The following CAMSAP2 variants were observed in gnomAD, a reference collection of about 807,000 sequenced individuals.
The protein encoded by CAMSAP2 is calmodulin-regulated spectrin-associated protein 2.
CAMSAP2 carries 26 observed loss-of-function variants against 146.1 expected under a neutral mutation model. The observed-to-expected ratio is 0.18, with a 90% CI of 0.13 to 0.25. The LOEUF (loss-of-function observed/expected upper bound fraction) is 0.25, where lower values mean the gene tolerates loss of function less well. CAMSAP2 is among the 10% of genes least tolerant of loss of function. The pLI is 1.00. For synonymous variants in CAMSAP2, 499 were observed against 596.6 expected, an observed-to-expected ratio of 0.84 and a Z score of 2.38; for missense variants, 1,381 against 1,759.3, an observed-to-expected ratio of 0.78 and a Z score of 3.85.
Position 200,857,818 on chromosome 1 carries a change from G to C in CAMSAP2, c.4196G>C (p.Arg1399Thr), listed in dbSNP as rs1667784542. Residue 1399 changes from arginine (R) to threonine (T), a missense_variant, in exon 17 of 17, where the codon AGA (arginine) becomes ACA (threonine). Physicochemically the swap from Arg to Thr is moderately conservative, Grantham distance 71 (BLOSUM62 -1). Transcript: ENST00000358823. This position sits in a 1 kb window ranked among gnomAD's most constrained non-coding sequence, Gnocchi z 4.7. ...TTCCGGGATTCAGGATGCCAGTTCA[G>C]ATCTTTATACACTTATTGCCCAGAA... ...ILFRDSGCQF[R>T]SLYTYCPETE... is the part of the protein sequence containing the mutation. The C allele has an allele frequency of 6.2e-7, 1 of 1,613,248 alleles. No homozygotes were observed. Among genetic ancestry groups the C allele is most frequent in the Non-Finnish European group, 8.5e-7 (1 of 1,179,712 alleles).
intron 3 of CAMSAP2, among the ~76,000 whole-genome samples, chr1:200,809,559 C>T (rs1666270890): frequency 6.6e-6 from 1 of 152,078 alleles, no homozygotes; most frequent in Non-Finnish European, 1.5e-5. Flanking sequence ...GGCGAAACTC[C>T]GTCTCTACTA....
intron 4 of CAMSAP2, among the ~76,000 whole-genome samples, chr1:200,823,885 T>A (rs1239355462): frequency 6.6e-6 from 1 of 152,240 alleles, no homozygotes; most frequent in East Asian, 1.9e-4. Context: ...ATTTTTTATA[T>A]TCAATCATTT....
intron 2 of CAMSAP2, among the ~76,000 whole-genome samples, chr1:200,805,635 A>C (rs757250114): frequency 2.9e-4 from 44 of 152,226 alleles, no homozygotes; most frequent in Admixed American, 2.7e-3. Flanking sequence ...GTACTCATTG[A>C]TAGGTTGAGT....
chr1:200,790,531 C>T (rs1665720855), intron 2 of CAMSAP2, among the ~76,000 whole-genome samples: 1 of 152,168 alleles, frequency 6.6e-6, no homozygotes, highest in Non-Finnish European at 1.5e-5. Context: ...TTTCCTTCTC[C>T]AGCACTGGTT....
Position 200,857,577 on chromosome 1 carries a change from T to A in CAMSAP2, c.4131+153T>A. On this transcript the variant is annotated intron_variant, in intron 16 of 16. Coordinates refer to ENST00000358823, the MANE Select transcript of CAMSAP2 (RefSeq NM_203459.4). This position sits in a 1 kb window ranked among gnomAD's most constrained non-coding sequence, Gnocchi z 4.7. ...TTATCAGATTTAGTTTATTTTCACA[T>A]TAGGTTCTGGAAGCCTGCAGATTTT... is the stretch of plus-strand genomic sequence containing the variant. 2.5e-6 allele frequency: 2 copies of A among 785,176 alleles called. No individual in the cohort carries two copies. Among genetic ancestry groups the A allele is most frequent in the Non-Finnish European group, 4.0e-6 (2 of 498,314 alleles). 48.6% of individuals were successfully genotyped at this position (785,176 alleles called of 1,614,324 possible).
chr1:200,804,419 T>C (rs12748010), intron 2 of CAMSAP2, among the ~76,000 whole-genome samples: 15,385 of 152,224 alleles, frequency 0.1, 867 homozygotes, highest in East Asian at 0.17. Flanking sequence ...TTCTTTCTGT[T>C]GTATAATATT....
intron 2 of CAMSAP2, among the ~76,000 whole-genome samples, chr1:200,802,817 C>T (rs941604543): frequency 6.6e-6 from 1 of 152,124 alleles, no homozygotes; most frequent in Non-Finnish European, 1.5e-5. Flanking sequence ...GTTTAACCTT[C>T]ATTTCTAATA....
intron 2 of CAMSAP2, among the ~76,000 whole-genome samples, chr1:200,767,361 CAAA>C (rs755665820): frequency 5.5e-5 from 4 of 72,938 alleles, no homozygotes; most frequent in Non-Finnish European, 8.3e-5. Flanking sequence ...GACTCCATCT[CAAA>C]AAAAAAAAAA....
At chr1:200,830,976 C>T (rs1378060812) in intron 4 of CAMSAP2, among the ~76,000 whole-genome samples, 1 of 152,168 alleles carries the variant, frequency 6.6e-6, no homozygotes, top group Non-Finnish European at 1.5e-5. Context: ...AGAAATCTAA[C>T]TTCACTACCA....
rs143740755 is a variant in CAMSAP2, at chr1:200,855,659, C to T, written c.3897-351C>T. On this transcript the variant is annotated intron_variant, in intron 14 of 16. Transcript: ENST00000358823. The stretch of plus-strand genomic sequence containing the variant: ...TTGCCCAGGCTAGAGTGCAGTGACA[C>T]GATCTCGGCTCACTGCAACCCCTGC... Among the ~76,000 whole-genome samples, 110 of 151,934 alleles carry T rather than the reference C, an allele frequency of 7.2e-4. 1 individual carries two copies. The East Asian group carries it at 0.017, about 24-fold the overall frequency.
At chr1:200,850,297 T>A (rs1667583397) in intron 11 of CAMSAP2, 63 bp downstream of exon 11, 1 of 926,586 alleles carries the variant, frequency 1.1e-6, no homozygotes, top group Non-Finnish European at 1.5e-6. Flanking sequence ...GTGTTGGATA[T>A]TTTTTTTTTC....
At chr1:200,856,183 G>A in intron 15 of CAMSAP2, 58 bp downstream of exon 15, 2 of 1,274,242 alleles carry the variant, frequency 1.6e-6, no homozygotes, top group African/African-American at 1.5e-5. Context: ...ATAAATGGAG[G>A]GTGTACTAAA....
intron 2 of CAMSAP2, among the ~76,000 whole-genome samples, chr1:200,782,353 A>C (rs1665457582): frequency 6.6e-6 from 1 of 152,166 alleles, no homozygotes; most frequent in South Asian, 2.1e-4. Flanking sequence ...CATTTAAAGT[A>C]ATTTGAACAG....
At chr1:200,841,945 A>T (rs772151203) in intron 6 of CAMSAP2, 49 bp from the exon 7 acceptor site, 60 of 1,262,826 alleles carry the variant, frequency 4.8e-5, no homozygotes, top group Non-Finnish European at 6.4e-5. Flanking sequence ...AATTCTGTTT[A>T]TCATGAAGTT....
chr1:200,841,869 C>T, intron 6 of CAMSAP2, 125 bp from the exon 7 acceptor site: 1 of 667,304 alleles, frequency 1.5e-6, no homozygotes, highest in South Asian at 1.9e-5. Context: ...TGTTTAATAG[C>T]CTACTATAGT....
At chr1:200,827,169 C>T (rs969074852) in intron 4 of CAMSAP2, among the ~76,000 whole-genome samples, 14 of 152,194 alleles carry the variant, frequency 9.2e-5, no homozygotes, top group Middle Eastern at 3.2e-3. Context: ...AAGAAGATTG[C>T]TGTTACCAGT....
At chr1:200,835,790 T>G (rs1558201193) in intron 6 of CAMSAP2, among the ~76,000 whole-genome samples, 1 of 152,310 alleles carries the variant, frequency 6.6e-6, no homozygotes, top group East Asian at 1.9e-4. Flanking sequence ...CAACATGATA[T>G]CTACATTGTC....
At chr1:200,803,889 G>A (rs1666100227) in intron 2 of CAMSAP2, among the ~76,000 whole-genome samples, 2 of 151,434 alleles carry the variant, frequency 1.3e-5, no homozygotes, top group Admixed American at 1.3e-4. Flanking sequence ...GTGTGTGTCT[G>A]TGGTATTCAA....
intron 4 of CAMSAP2, among the ~76,000 whole-genome samples, chr1:200,822,326 A>G (rs1034732326): frequency 3.9e-5 from 6 of 152,170 alleles, no homozygotes; most frequent in Non-Finnish European, 8.8e-5. Context: ...TGTATCATTT[A>G]TGTTCCCATT....
Sources: allele counts gnomAD v4.1 joint callset (sites outside exome capture counted in the v4.1 genomes callset), GRCh38; gene constraint gnomAD v4.1.1; non-coding constraint Gnocchi (gnomAD v3.1); transcripts MANE v1.5; gene names NCBI Gene and HGNC (gene_info 2026-07-23, HGNC 2026-07-21).